Variants in MED12L observed in about 807,000 individuals in gnomAD.
The protein encoded by MED12L is mediator of RNA polymerase II transcription subunit 12-like protein.
In MED12L, 60 loss-of-function variants were observed where a neutral mutation model predicts 281.3. The observed-to-expected ratio is 0.21, with a 90% CI of 0.17 to 0.26. The LOEUF (loss-of-function observed/expected upper bound fraction) is 0.26. Ranked by LOEUF, MED12L falls within the 10% of genes least tolerant of loss-of-function variation. The probability of loss-of-function intolerance (pLI) is 1.00; values close to 1 mark genes in which losing one functional copy is unlikely to be tolerated. For missense variants in MED12L, 2,146 were observed against 2,680.9 expected (o/e 0.80, Z 4.41); for synonymous variants, 974 against 987.2 (o/e 0.99, Z 0.25).
intron 16 of MED12L, among the ~76,000 whole-genome samples, chr3:151,281,232 C>CAAAAAAAAA (rs35035320): frequency 1.2e-4 from 6 of 49,940 alleles, no homozygotes; most frequent in Admixed American, 5.6e-4. Context: ...ACCAAAAATA[C>CAAAAAAAAA]AAAAAAAAAA....
At chr3:151,355,390 T>A (rs1027197227) in intron 18 of MED12L, 151 bp downstream of exon 18, 1 of 564,818 alleles carries the variant, frequency 1.8e-6, no homozygotes, top group Admixed American at 3.6e-5. Context: ...AGTAGTTCTT[T>A]TAAGTGTCAG....
At chr3:151,299,260 A>G (rs1745528616) in intron 16 of MED12L, among the ~76,000 whole-genome samples, 1 of 152,208 alleles carries the variant, frequency 6.6e-6, no homozygotes, top group South Asian at 2.1e-4. Context: ...TGGGAATGAA[A>G]TAATAAAAGT....
At chr3:151,289,227 C>T (rs565242671) in intron 16 of MED12L, among the ~76,000 whole-genome samples, 6 of 152,224 alleles carry the variant, frequency 3.9e-5, no homozygotes, top group Admixed American at 2.0e-4. Flanking sequence ...CTACAGGGAA[C>T]GGATGAGCTA....
intron 16 of MED12L, among the ~76,000 whole-genome samples, chr3:151,346,785 T>G (rs1399764719): frequency 6.6e-6 from 1 of 152,160 alleles, no homozygotes; most frequent in Non-Finnish European, 1.5e-5. Context: ...CATACTGCCC[T>G]TATTCCTGAG....
At chr3:151,277,204 T>G (rs907335813) in intron 16 of MED12L, among the ~76,000 whole-genome samples, 5 of 150,796 alleles carry the variant, frequency 3.3e-5, no homozygotes, top group Non-Finnish European at 7.4e-5. Context: ...ATGCCTGGCC[T>G]CCTTGTTTTT....
intron 11 of MED12L, among the ~76,000 whole-genome samples, chr3:151,171,996 C>T (rs1417954677): frequency 1.3e-5 from 2 of 152,160 alleles, no homozygotes; most frequent in African/African-American, 4.8e-5. Context: ...AAAAGCTACT[C>T]GGGCAGTGAA....
intron 11 of MED12L, among the ~76,000 whole-genome samples, chr3:151,173,612 C>G (rs1372019456): frequency 6.6e-6 from 1 of 152,120 alleles, no homozygotes; most frequent in Non-Finnish European, 1.5e-5. Context: ...AATTCAAATC[C>G]TCAAGTTGAG....
intron 39 of MED12L, among the ~76,000 whole-genome samples, chr3:151,395,226 G>C (rs987430250): frequency 1.3e-5 from 2 of 152,052 alleles, no homozygotes; most frequent in Non-Finnish European, 2.9e-5. Flanking sequence ...ACTACTTTCA[G>C]CTCTTGTGTT....
chr3:151,108,023 G>A (rs976959063), intron 2 of MED12L, among the ~76,000 whole-genome samples: 5 of 152,192 alleles, frequency 3.3e-5, no homozygotes, highest in South Asian at 4.1e-4. Flanking sequence ...ATGTTATTGA[G>A]GGTTTGTAGA....
chr3:151,130,175 A>G (rs1715168370), intron 5 of MED12L, among the ~76,000 whole-genome samples: 1 of 152,180 alleles, frequency 6.6e-6, no homozygotes, highest in Non-Finnish European at 1.5e-5. Flanking sequence ...CATCTGAACC[A>G]TAATGTATAT....
In MED12L at chr3:151,387,983, G is replaced by T; in HGVS notation, c.5262G>T (p.Lys1754Asn). 1 of 1,614,020 alleles carries T rather than the reference G, an allele frequency of 6.2e-7. No homozygotes were observed. Among genetic ancestry groups the T allele is most frequent in the Non-Finnish European group, 8.5e-7 (1 of 1,179,996 alleles). Residue 1754 changes from lysine to asparagine, a missense_variant, in exon 37 of 45, where the codon AAG becomes AAT. Lys to Asn is a moderately conservative substitution (Grantham distance 94). This residue lies in a region of MED12L where 496 missense variants were observed against 512.0 expected (regional missense o/e 0.97). Transcript: ENST00000687756. Reference sequence around the variant, plus strand: ...TGTATCACACACACCCCATGCCCAAGCCCCGCAGTTACTACCTCCAGCCAC... The same window carrying T: ...TGTATCACACACACCCCATGCCCAATCCCCGCAGTTACTACCTCCAGCCAC... ...LLLYHTHPMP[K>N]PRSYYLQPLP... is the part of the protein sequence containing the mutation.
At chr3:151,128,491 C>T (rs758058839) in intron 5 of MED12L, among the ~76,000 whole-genome samples, 13 of 152,138 alleles carry the variant, frequency 8.5e-5, no homozygotes, top group Admixed American at 2.6e-4. Flanking sequence ...CCCCGGCTCC[C>T]CCCCTTCCTG....
rs986448909 is a variant in MED12L at position 151,166,618 on chromosome 3, C to T, written c.1494+636C>T. Among the ~76,000 whole-genome samples the T allele has an allele frequency of 3.3e-5, 5 of 151,334 alleles. No homozygotes were observed. The South Asian group carries it at 6.3e-4, about 19-fold the overall frequency. Reference sequence around the variant, plus strand: ...GAGACTCAAGGAAGAACTGATGTGGCGGTCTTGAGTCCATAGGCAGTCTGG... The same window carrying T: ...GAGACTCAAGGAAGAACTGATGTGGTGGTCTTGAGTCCATAGGCAGTCTGG... On this transcript the variant is annotated intron_variant, in intron 11 of 44. Coordinates refer to ENST00000687756, the MANE Select transcript of MED12L (RefSeq NM_001393769.1).
chr3:151,366,351 G>A (rs530560791), intron 23 of MED12L, among the ~76,000 whole-genome samples: 1 of 152,246 alleles, frequency 6.6e-6, no homozygotes. Flanking sequence ...TCTAACTAAA[G>A]CAGTTCACAT....
intron 16 of MED12L, among the ~76,000 whole-genome samples, chr3:151,217,003 G>A (rs763746897): frequency 7.2e-5 from 11 of 152,130 alleles, no homozygotes; most frequent in Non-Finnish European, 1.3e-4. Flanking sequence ...GGCCATTGTG[G>A]TGTCATACTC....
intron 5 of MED12L, among the ~76,000 whole-genome samples, chr3:151,146,226 G>A (rs866216210): frequency 3.3e-5 from 5 of 152,178 alleles, no homozygotes; most frequent in African/African-American, 1.2e-4. Context: ...TAGCGTTTGA[G>A]GAACTCTGGC....
chr3:151,384,915 C>A, intron 35 of MED12L, 115 bp from the exon 36 acceptor site: 2 of 715,746 alleles, frequency 2.8e-6, no homozygotes, highest in Non-Finnish European at 5.1e-6. Context: ...AAAGAACATG[C>A]GCTAAGCTAT....
At chr3:151,341,491 G>A (rs11922647) in intron 16 of MED12L, among the ~76,000 whole-genome samples, 128,698 of 151,926 alleles carry the variant, frequency 0.85, 54,544 homozygotes, top group Middle Eastern at 0.95. Context: ...ATTTACAGTT[G>A]TTTAACTTTG....
intron 4 of MED12L, among the ~76,000 whole-genome samples, chr3:151,125,001 T>G (rs935092706): frequency 1.3e-5 from 2 of 152,208 alleles, no homozygotes; most frequent in African/African-American, 4.8e-5. Flanking sequence ...GACACCCTTT[T>G]GTGGATTGAA....
Sources: allele counts gnomAD v4.1 joint callset (sites outside exome capture counted in the v4.1 genomes callset), GRCh38; gene constraint gnomAD v4.1.1; regional missense constraint gnomAD v4.1.1; transcripts MANE v1.5; gene names NCBI Gene and HGNC (gene_info 2026-07-23, HGNC 2026-07-21).